The following TBC1D2B variants were observed in gnomAD, a reference collection of about 807,000 sequenced individuals.
The protein encoded by TBC1D2B is TBC1 domain family member 2B, also known as TBC1 domain family, member 2B.
In TBC1D2B, 64 loss-of-function variants were observed where a neutral mutation model predicts 100.8. That is an observed-to-expected ratio of 0.64 (90% CI 0.52 to 0.78). The LOEUF is 0.78. Ranked by LOEUF, TBC1D2B falls within the 30% of genes least tolerant of loss-of-function variation. The pLI is 0.00. For synonymous variants in TBC1D2B, 480 were observed against 479.7 expected, an observed-to-expected ratio of 1.00 and a Z score of -0.01; for missense variants, 1,052 against 1,218.4, an observed-to-expected ratio of 0.86 and a Z score of 2.03.
intron 4 of TBC1D2B, 68 bp downstream of exon 4, chr15:78,029,939 C>T: frequency 7.5e-7 from 1 of 1,339,518 alleles, no homozygotes; most frequent in Non-Finnish European, 1.0e-6. Flanking sequence ...AATAATGTGT[C>T]TCCACATCAC....
rs147942157 is a variant in TBC1D2B at position 78,045,045 on chromosome 15, C to T, written c.538G>A (p.Ala180Thr). ...NTDLIYPHPN[A>T]SAEKARNVLA... ...ACATTTCTGGCTTTTTCTGCAGAAG[C>T]ATTTGGGTGTGGGTAAATTAAATCT... The change falls in exon 3 of 13, where the codon GCT (alanine) becomes ACT (threonine). Residue 180 changes from alanine (A) to threonine (T), a missense_variant. Transcript: ENST00000300584. The T allele has an allele frequency of 1.8e-5, 29 of 1,609,544 alleles. No homozygotes were observed. Among genetic ancestry groups the T allele is most frequent in the Non-Finnish European group, 2.5e-5 (29 of 1,177,476 alleles).
chr15:78,003,247 C>CG (rs745673125), intron 11 of TBC1D2B, 58 bp downstream of exon 11: 1 of 1,531,342 alleles, frequency 6.5e-7, no homozygotes, highest in Non-Finnish European at 9.0e-7. Context: ...CCGCCACCAA[C>CG]GCTGCTGACG....
Position 78,013,121 on chromosome 15 carries a change from G to C in TBC1D2B, c.1972C>G (p.Leu658Val). 6.2e-7 allele frequency: 1 copy of C among 1,613,958 alleles called. No individual in the cohort carries two copies. Among genetic ancestry groups the C allele is most frequent in the Non-Finnish European group, 8.5e-7 (1 of 1,179,890 alleles). ...EMMCSPELKN[L>V]IRAGIPHEHR... ...TCGTGGGGAATGCCCGCACGGATGA[G>C]GTTTTTTAACTCTGGAGAGCACATC... The change falls in exon 9 of 13, where the codon CTC (leucine) becomes GTC (valine). Residue 658 changes from leucine (L) to valine (V), a missense_variant. Transcript: ENST00000300584.
chr15:78,063,939 A>C (rs2073602899), intron 1 of TBC1D2B, among the ~76,000 whole-genome samples: 1 of 151,956 alleles, frequency 6.6e-6, no homozygotes, highest in South Asian at 2.1e-4. Flanking sequence ...ACAGCTTCCT[A>C]ACTGGACTTG....
intron 5 of TBC1D2B, 79 bp downstream of exon 5, chr15:78,025,180 G>T: frequency 1.6e-6 from 2 of 1,248,818 alleles, no homozygotes; most frequent in Admixed American, 2.0e-5. Context: ...AAGACTCAGG[G>T]AAACATAAAT....
intron 6 of TBC1D2B, 89 bp downstream of exon 6, chr15:78,024,067 C>A: frequency 6.8e-7 from 1 of 1,464,356 alleles, no homozygotes; most frequent in South Asian, 1.4e-5. Context: ...GTTCTGCCGT[C>A]ACACCAAATC....
In TBC1D2B at chr15:77,995,779, C is replaced by T. The variant is rs2071735615; in HGVS notation, c.*2381G>A. ...GGGTTTCCCAGCTGGCAGGGTCCCC[C>T]TTGCAGGGGCCACGGGCTGGGTGTT... On this transcript the variant is annotated 3_prime_UTR_variant, in exon 13 of 13. Transcript: ENST00000300584. 3 of 152,400 alleles carry T rather than the reference C, an allele frequency of 2.0e-5. No homozygotes were observed. The South Asian group carries it at 6.2e-4, about 32-fold the overall frequency. 9.4% of individuals were successfully genotyped at this position (152,400 alleles called of 1,614,324 possible). A position where few individuals can be genotyped will look rare whatever the true frequency, so the allele number is the denominator to read the frequency against.
chr15:78,072,236 C>T (rs1332503595), intron 1 of TBC1D2B, among the ~76,000 whole-genome samples: 1 of 152,164 alleles, frequency 6.6e-6, no homozygotes, highest in Non-Finnish European at 1.5e-5. Flanking sequence ...CTCTGGTTAG[C>T]AGGAAATAGG....
At chr15:78,016,493 A>G (rs1321572785) in intron 8 of TBC1D2B, 53 bp downstream of exon 8, 4 of 1,555,862 alleles carry the variant, frequency 2.6e-6, no homozygotes, top group Admixed American at 1.8e-5. Context: ...GCTGTTGAAA[A>G]AGGGACTTCA....
chr15:78,031,238 G>C (rs2072799565), intron 3 of TBC1D2B, among the ~76,000 whole-genome samples: 2 of 152,098 alleles, frequency 1.3e-5, no homozygotes, highest in Admixed American at 1.3e-4. Flanking sequence ...CCTCTGTAAA[G>C]GTAAAGAAGA....
chr15:78,077,566 A>G lies in TBC1D2B; in HGVS notation c.87T>C (p.Gly29=), dbSNP rs1035951110. The change falls in exon 1 of 13, where the codon GGT becomes GGC. Residue 29 remains glycine, a synonymous_variant. Transcript: ENST00000300584. ...ACAGCCGCGCTGGCTCCCGCGCCGG[A>G]CCCGCCCCGGGCTCCGCGGCCGCCC... ...AQGAAAEPGA[G]PAREPARLCG... 2 of 1,434,970 alleles carry G rather than the reference A, an allele frequency of 1.4e-6. No homozygotes were observed. The highest frequency in any genetic ancestry group is 1.8e-6 in the Non-Finnish European group (2 of 1,090,250). 88.9% of individuals were successfully genotyped at this position (1,434,970 alleles called of 1,614,324 possible).
intron 3 of TBC1D2B, among the ~76,000 whole-genome samples, chr15:78,040,452 G>A (rs995078898): frequency 2.0e-5 from 3 of 151,874 alleles, no homozygotes; most frequent in East Asian, 1.9e-4. Context: ...GGGGGGCTGA[G>A]GTGTGAGGAT....
At chr15:78,018,033 G>C in intron 6 of TBC1D2B, 76 bp from the exon 7 acceptor site, 1 of 739,314 alleles carries the variant, frequency 1.4e-6, no homozygotes, top group Non-Finnish European at 2.2e-6. Context: ...GTAGTCAGTA[G>C]CTTGCTGCTT....
intron 6 of TBC1D2B, among the ~76,000 whole-genome samples, chr15:78,021,480 C>T (rs2072514973): frequency 6.6e-6 from 1 of 152,202 alleles, no homozygotes; most frequent in Non-Finnish European, 1.5e-5. Flanking sequence ...CCTCTTTCTC[C>T]CTGGAGCCTT....
At chr15:78,049,383 A>G (rs1157305953) in intron 2 of TBC1D2B, among the ~76,000 whole-genome samples, 1 of 152,258 alleles carries the variant, frequency 6.6e-6, no homozygotes, top group African/African-American at 2.4e-5. Flanking sequence ...CATAAAAGAC[A>G]AGAACTTGCT....
At chr15:78,021,995 G>A (rs779434316) in intron 6 of TBC1D2B, among the ~76,000 whole-genome samples, 7 of 152,120 alleles carry the variant, frequency 4.6e-5, no homozygotes, top group African/African-American at 1.4e-4. Context: ...CAAGTGTCAC[G>A]CACGCCCTGG....
intron 3 of TBC1D2B, among the ~76,000 whole-genome samples, chr15:78,040,024 T>TGCA (rs1394912899): frequency 6.6e-6 from 1 of 152,244 alleles, no homozygotes; most frequent in Non-Finnish European, 1.5e-5. Flanking sequence ...AGAACTTTGC[T>TGCA]GACTGCTGTC....
intron 1 of TBC1D2B, among the ~76,000 whole-genome samples, chr15:78,067,149 G>A (rs899281858): frequency 6.6e-6 from 1 of 152,206 alleles, no homozygotes; most frequent in African/African-American, 2.4e-5. Context: ...TTTGGAGAAG[G>A]AGAAGGTTTC....
rs756758561 is a variant in TBC1D2B at position 78,003,412 on chromosome 15, C to T, written c.2467G>A (p.Asp823Asn). 4 of 1,613,734 alleles carry T rather than the reference C, an allele frequency of 2.5e-6. No homozygotes were observed. Among genetic ancestry groups the T allele is most frequent in the African/African-American group, 1.3e-5 (1 of 74,914 alleles). The change falls in exon 11 of 13, where the codon GAC becomes AAC. Residue 823 changes from aspartate (D) to asparagine (N), a missense_variant. Transcript: ENST00000300584. ...LHGHFEQYKV[D>N]YTLITFNWFL... ...CAGTTGAAAGTGATGAGAGTGTAGTCGACTTTGTACTGTTCAAAGTGGCCA... is the reference window on the plus strand; with the variant it reads ...CAGTTGAAAGTGATGAGAGTGTAGTTGACTTTGTACTGTTCAAAGTGGCCA...
Sources: gnomAD v4.1 joint callset for allele counts (sites outside exome capture counted in the v4.1 genomes callset) on GRCh38, gnomAD v4.1.1 for gene constraint, MANE v1.5 for transcripts, NCBI Gene and HGNC (gene_info 2026-07-23, HGNC 2026-07-21) for gene names.